CD81: variants seen among roughly 807,000 people sequenced by gnomAD.
CD81 encodes the protein CD81 molecule.
CD81 carries 10 observed loss-of-function variants against 30.1 expected under a neutral mutation model. The ratio of observed to expected loss-of-function variants is 0.33; its 90% CI spans 0.21 to 0.56. The LOEUF (loss-of-function observed/expected upper bound fraction) is 0.56. Ranked by LOEUF, CD81 falls within the 20% of genes least tolerant of loss-of-function variation. The pLI, the probability that CD81 is intolerant of heterozygous loss-of-function variation, is 0.89. For synonymous variants in CD81, 147 were observed against 126.4 expected (o/e 1.16, Z -1.10); for missense variants, 263 against 308.7 (o/e 0.85, Z 1.11).
chr11:2,377,347 G>T lies in CD81; in HGVS notation c.-203G>T, dbSNP rs1013265075. 1.3e-5 allele frequency: 2 copies of T among 150,104 alleles called. No homozygotes were observed. The highest frequency in any genetic ancestry group is 1.9e-4 in the South Asian group (1 of 5,398). 9.3% of individuals were successfully genotyped at this position (150,104 alleles called of 1,614,324 possible). A position where few individuals can be genotyped will look rare whatever the true frequency, so the allele number is the denominator to read the frequency against. ...AGCGCGCAACGGCGGCGACGGCGGC[G>T]ACCCCACCGCGCATCCTGCCAGGCC... is the stretch of plus-strand genomic sequence containing the variant. On this transcript the variant is annotated 5_prime_UTR_variant, in exon 1 of 8. Transcript: ENST00000263645. The surrounding 1 kb of genome is among the most constrained non-coding windows in gnomAD (Gnocchi z 7.7).
At chr11:2,390,747 T>C (rs1246167037) in intron 2 of CD81, among the ~76,000 whole-genome samples, 2 of 152,142 alleles carry the variant, frequency 1.3e-5, no homozygotes, top group Non-Finnish European at 2.9e-5. Flanking sequence ...GGGTGGCAGC[T>C]AGGCCTGGGC....
In CD81 at chr11:2,377,654, G is replaced by T; in HGVS notation, c.66+39G>T. 7.3e-7 allele frequency: 1 copy of T among 1,360,804 alleles called. No homozygotes were observed. The highest frequency in any genetic ancestry group is 1.0e-6 in the Non-Finnish European group (1 of 992,808). 84.3% of individuals were successfully genotyped at this position (1,360,804 alleles called of 1,614,324 possible). On this transcript the variant is annotated intron_variant, in intron 1 of 7. Coordinates refer to ENST00000263645, the MANE Select transcript of CD81 (RefSeq NM_004356.4). This position sits in a 1 kb window ranked among gnomAD's most constrained non-coding sequence, Gnocchi z 7.7. Reference sequence around the variant, plus strand: ...CGGGGGCCGGGGCGGGAGGGGGCAGGCACACACTCCACGTTGGGCAGGTCC... The same window carrying T: ...CGGGGGCCGGGGCGGGAGGGGGCAGTCACACACTCCACGTTGGGCAGGTCC...
chr11:2,380,209 C>T (rs1849681039), intron 1 of CD81, among the ~76,000 whole-genome samples: 6 of 152,110 alleles, frequency 3.9e-5, no homozygotes, highest in Admixed American at 3.9e-4. Context: ...CTGCGGGAAC[C>T]CTGCAGGGTC....
In CD81 at chr11:2,394,998, T is replaced by G. The variant is rs1172454148; in HGVS notation, c.306T>G (p.Phe102Leu). The part of the protein sequence containing the change: ...GTFFTCLVIL[F>L]ACEVAAGIWG... ...TCTTCACCTGCCTGGTCATCCTGTT[T>G]GCCTGTGAGGTGGCCGCCGGCATCT... Residue 102 changes from phenylalanine (F) to leucine (L), a missense_variant, in exon 4 of 8, where the codon TTT becomes TTG. By Grantham distance (22) the Phe-to-Leu change is conservative. Around this residue, in one of 3 missense-constraint regions of CD81, gnomAD observed 176 missense variants for 192.9 expected, o/e 0.91. Transcript: ENST00000263645. 1.2e-6 allele frequency: 2 copies of G among 1,609,900 alleles called. No homozygotes were observed. Among genetic ancestry groups the G allele is most frequent in the Non-Finnish European group, 1.7e-6 (2 of 1,178,702 alleles).
rs1850031490 is a variant in CD81, at chr11:2,397,294, ACT to A, written c.*433_*434del. 1.9e-5 allele frequency: 5 copies of A among 267,784 alleles called. No homozygotes were observed. Among genetic ancestry groups the A allele is most frequent in the Non-Finnish European group, 3.7e-5 (5 of 136,746 alleles). The allele number at this position is 267,784 out of a possible 1,614,324, so 16.6% of individuals were successfully genotyped here. Reference sequence around the variant, plus strand: ...CGGTTCGAGAGCCGAGTCTGTGGGCACTCTCTGCCTTCATGCACCTGTCCTTT... The same window carrying A: ...CGGTTCGAGAGCCGAGTCTGTGGGCACTCTGCCTTCATGCACCTGTCCTTT... On this transcript the variant is annotated 3_prime_UTR_variant, in exon 8 of 8. Coordinates refer to ENST00000263645, the MANE Select transcript of CD81 (RefSeq NM_004356.4).
chr11:2,394,725 A>G, intron 3 of CD81: 1 of 606,162 alleles, frequency 1.6e-6, no homozygotes, highest in Non-Finnish European at 3.0e-6. Flanking sequence ...GCCCCGCCCC[A>G]TCCACCCCGT....
Position 2,387,107 on chromosome 11 carries a change from C to T in CD81, c.67-3305C>T, listed in dbSNP as rs560576632. ...CCATTAGATGGGATCATCCCCTCAG[C>T]GCCCAGGCTAGAGGAGGGGTGGTCC... On this transcript the variant is annotated intron_variant, in intron 1 of 7. Coordinates refer to ENST00000263645, the MANE Select transcript of CD81 (RefSeq NM_004356.4). Among the ~76,000 whole-genome samples the T allele has an allele frequency of 2.3e-4, 35 of 152,336 alleles. No homozygotes were observed. The East Asian group carries it at 5.6e-3, about 24-fold the overall frequency.
At position 2,396,964 on chromosome 11, in the gene CD81, G is replaced by C; in HGVS notation, c.*98G>C. ...CACCGCCTGTGTATATAACGTTTCC[G>C]GTATTACTCTGCTACACGTAGCCTT... On this transcript the variant is annotated 3_prime_UTR_variant, in exon 8 of 8. Coordinates refer to ENST00000263645, the MANE Select transcript of CD81 (RefSeq NM_004356.4). 3 of 1,123,084 alleles carry C rather than the reference G, an allele frequency of 2.7e-6. No individual in the cohort carries two copies. Among genetic ancestry groups the C allele is most frequent in the Non-Finnish European group, 4.0e-6 (3 of 753,358 alleles). The allele number at this position is 1,123,084 out of a possible 1,614,324, so 69.6% of individuals were successfully genotyped here.
intron 6 of CD81, chr11:2,396,328 C>T (rs1850001727): frequency 1.2e-5 from 7 of 576,704 alleles, no homozygotes; most frequent in African/African-American, 5.6e-5. Flanking sequence ...GCTGAGGCCT[C>T]AGTGGAAGTC....
rs1193441449 is a variant in CD81 at position 2,378,289 on chromosome 11, C to T, written c.66+674C>T. Among the ~76,000 whole-genome samples the T allele has an allele frequency of 1.3e-5, 2 of 152,166 alleles. No homozygotes were observed. The highest frequency in any genetic ancestry group is 6.5e-5 in the Admixed American group (1 of 15,288). On this transcript the variant is annotated intron_variant, in intron 1 of 7. Transcript: ENST00000263645. The surrounding 1 kb of genome is among the most constrained non-coding windows in gnomAD (Gnocchi z 4.9). ...CGTCCCTGCCTGGGAGCCGATCTCC[C>T]TCTCCTCACCCAGACACGTTCCAGC...
At chr11:2,396,554 G>A in intron 6 of CD81, 74 bp from the exon 7 acceptor site, 1 of 1,260,452 alleles carries the variant, frequency 7.9e-7, no homozygotes, top group Non-Finnish European at 1.1e-6. Context: ...GGTGACCACG[G>A]ATTACTGCGT....
intron 3 of CD81, 74 bp from the exon 4 acceptor site, chr11:2,394,898 C>T: frequency 2.9e-6 from 4 of 1,367,840 alleles, no homozygotes; most frequent in Non-Finnish European, 4.2e-6. Flanking sequence ...GCCTGCTGGG[C>T]ACCTGGGTGT....
chr11:2,394,888 G>C, intron 3 of CD81, 84 bp from the exon 4 acceptor site: 2 of 1,277,806 alleles, frequency 1.6e-6, no homozygotes, highest in Non-Finnish European at 2.3e-6. Flanking sequence ...TCACAGACAC[G>C]CCTGCTGGGC....
At chr11:2,395,330 G>A in intron 4 of CD81, 86 bp from the exon 5 acceptor site, 1 of 1,066,468 alleles carries the variant, frequency 9.4e-7, no homozygotes, top group Middle Eastern at 2.3e-4. Context: ...GAGAGCCTGG[G>A]AAAAGTGCGT....
intron 1 of CD81, among the ~76,000 whole-genome samples, chr11:2,380,686 C>T (rs368686069): frequency 6.6e-6 from 1 of 152,146 alleles, no homozygotes; most frequent in Non-Finnish European, 1.5e-5. Flanking sequence ...ACCTGAGACC[C>T]ACCTGCTGCC....
At chr11:2,395,354 G>A in intron 4 of CD81, 62 bp from the exon 5 acceptor site, 4 of 1,358,426 alleles carry the variant, frequency 2.9e-6, no homozygotes, top group Non-Finnish European at 4.2e-6. Flanking sequence ...CCTGGGGCGG[G>A]GCGGGGTGGG....
At chr11:2,395,159 C>T (rs1449222813) in intron 4 of CD81, 113 bp downstream of exon 4, 1 of 909,710 alleles carries the variant, frequency 1.1e-6, no homozygotes, top group Non-Finnish European at 1.8e-6. Flanking sequence ...TTGGGCTCTT[C>T]CTGGGTCCCA....
At chr11:2,389,661 G>C (rs1001859934) in intron 1 of CD81, among the ~76,000 whole-genome samples, 2 of 152,134 alleles carry the variant, frequency 1.3e-5, no homozygotes, top group African/African-American at 4.8e-5. Flanking sequence ...ACAGCGCTGG[G>C]CCGGCTTCTG....
At chr11:2,390,789 G>T (rs919917584) in intron 2 of CD81, among the ~76,000 whole-genome samples, 1 of 152,166 alleles carries the variant, frequency 6.6e-6, no homozygotes. Flanking sequence ...CTTATTTTAA[G>T]TGTGGGGTTA....
Sources: allele counts gnomAD v4.1 joint callset (sites outside exome capture counted in the v4.1 genomes callset), GRCh38; gene constraint gnomAD v4.1.1; regional missense constraint gnomAD v4.1.1; non-coding constraint Gnocchi (gnomAD v3.1); transcripts MANE v1.5; gene names NCBI Gene and HGNC (gene_info 2026-07-23, HGNC 2026-07-21).